SYNPO: variants seen among roughly 807,000 people sequenced by gnomAD.
The protein encoded by SYNPO is synaptopodin.
A neutral mutation model predicts 49.5 loss-of-function variants in SYNPO; 19 were observed. The ratio of observed to expected loss-of-function variants is 0.38; its 90% CI spans 0.27 to 0.56. SYNPO has a LOEUF of 0.56. Among genes scored for constraint, SYNPO ranks in the 20% least tolerant of loss-of-function variants. SYNPO has a pLI of 0.68. For missense variants in SYNPO, 1,131 were observed against 1,248.3 expected (o/e 0.91, Z 1.42); for synonymous variants, 536 against 548.0 (o/e 0.98, Z 0.31).
chr5:150,602,474 C>A (rs1756569764), intron 1 of SYNPO, among the ~76,000 whole-genome samples: 1 of 152,082 alleles, frequency 6.6e-6, no homozygotes, highest in Non-Finnish European at 1.5e-5. Context: ...AATAGCATAT[C>A]AAGCCAGCGG....
At chr5:150,617,758 A>T (rs1757021265) in intron 1 of SYNPO, 1 of 152,132 alleles carries the variant, frequency 6.6e-6, no homozygotes, top group Non-Finnish European at 1.5e-5. Context: ...AAATAACTAG[A>T]TATTTATTTA....
At chr5:150,586,117 G>A in the SYNPO span, among the ~76,000 whole-genome samples, 1 of 152,246 alleles carries the variant, frequency 6.6e-6, no homozygotes, top group Non-Finnish European at 1.5e-5. Context: ...TGCAGGACTG[G>A]CAGAGGTGAG....
chr5:150,637,713 C>T (rs1757764934), upstream of SYNPO, among the ~76,000 whole-genome samples: 1 of 152,206 alleles, frequency 6.6e-6, no homozygotes, highest in African/African-American at 2.4e-5. Flanking sequence ...TATCGTTCCT[C>T]CTGCGTTTTT....
the SYNPO span, among the ~76,000 whole-genome samples, chr5:150,592,333 A>G: frequency 6.6e-6 from 1 of 152,212 alleles, no homozygotes; most frequent in Non-Finnish European, 1.5e-5. Context: ...AATTCAAATT[A>G]ACTGGGTCTC....
chr5:150,636,862 C>G (rs1757734021), upstream of SYNPO, among the ~76,000 whole-genome samples: 1 of 152,030 alleles, frequency 6.6e-6, no homozygotes, highest in African/African-American at 2.4e-5. Context: ...AGAGTGAGAC[C>G]AGACCCAGAG....
chr5:150,634,656 A>C (rs1014246316), intron 2 of SYNPO, among the ~76,000 whole-genome samples: 3 of 152,026 alleles, frequency 2.0e-5, no homozygotes, highest in African/African-American at 7.3e-5. Context: ...TCGTCTGTAC[A>C]AAAATTTTTT....
chr5:150,589,096 G>T, the SYNPO span, among the ~76,000 whole-genome samples: 1 of 149,664 alleles, frequency 6.7e-6, no homozygotes, highest in Non-Finnish European at 1.5e-5. Context: ...GAGTCTCGCT[G>T]TGTTGCCTAG....
intron 2 of SYNPO, among the ~76,000 whole-genome samples, chr5:150,654,421 A>G (rs1758491205): frequency 6.6e-6 from 1 of 151,882 alleles, no homozygotes; most frequent in African/African-American, 2.4e-5. Context: ...TGTTATTTAC[A>G]CCTCTGAGCT....
Position 150,649,506 on chromosome 5 carries a change from C to G in SYNPO, c.1231C>G (p.Gln411Glu). ...GGATGAGAAGCGGCGGCAGAGGGACCAGGGGGAGGTAGGCGTGGAGGAGGA... is the reference window on the plus strand; with the variant it reads ...GGATGAGAAGCGGCGGCAGAGGGACGAGGGGGAGGTAGGCGTGGAGGAGGA... Reference protein sequence around the residue: ...TADEKRRQRDQGEVGVEEEPF... With the variant: ...TADEKRRQRDEGEVGVEEEPF... The change falls in exon 2 of 3, where the codon CAG becomes GAG. Residue 411 changes from glutamine to glutamate, a missense_variant. Transcript: ENST00000307662. 1.2e-6 allele frequency: 2 copies of G among 1,613,148 alleles called. No individual in the cohort carries two copies. Among genetic ancestry groups the G allele is most frequent in the Non-Finnish European group, 1.7e-6 (2 of 1,179,576 alleles).
intron 2 of SYNPO, chr5:150,650,884 C>G (rs534550296): frequency 1.6e-4 from 206 of 1,257,996 alleles, no homozygotes; most frequent in Non-Finnish European, 2.0e-4. Flanking sequence ...TTCTGGACAC[C>G]GTTTCCTCTC....
At chr5:150,620,911 TTCTTTC>T (rs1226614767) in intron 2 of SYNPO, among the ~76,000 whole-genome samples, 3 of 130,502 alleles carry the variant, frequency 2.3e-5, no homozygotes, top group African/African-American at 1.1e-4. Context: ...CTTTCTTTCT[TTCTTTC>T]TTTCTTTCTT....
rs1426372745 is a variant in SYNPO at position 150,648,892 on chromosome 5, A to G, written c.617A>G (p.Asp206Gly). The change falls in exon 2 of 3, where the codon GAT becomes GGT. Residue 206 changes from aspartate (D) to glycine (G), a missense_variant. By Grantham distance (94) the Asp-to-Gly change is moderately conservative. Transcript: ENST00000307662. This position sits in a 1 kb window ranked among gnomAD's most constrained non-coding sequence, Gnocchi z 5.0. ...IQPNTLVVSA[D>G]QEMSGRAAAT... is the part of the protein sequence containing the mutation. ...CCCAACACCCTAGTGGTGTCAGCAG[A>G]TCAAGAGATGTCTGGGCGAGCAGCT... The G allele has an allele frequency of 6.2e-7, 1 of 1,614,074 alleles. No homozygotes were observed. Among genetic ancestry groups the G allele is most frequent in the East Asian group, 2.2e-5 (1 of 44,900 alleles).
At chr5:150,646,413 A>C (rs1758094329) in intron 1 of SYNPO, among the ~76,000 whole-genome samples, 1 of 152,212 alleles carries the variant, frequency 6.6e-6, no homozygotes, top group Non-Finnish European at 1.5e-5. Flanking sequence ...CCTACCCTAA[A>C]AAGGGGAAAT....
At chr5:150,655,584 T>C (rs13179267) in intron 2 of SYNPO, among the ~76,000 whole-genome samples, 1 of 152,244 alleles carries the variant, frequency 6.6e-6, no homozygotes, top group Non-Finnish European at 1.5e-5. Context: ...TCAGACTGTG[T>C]GCCCTGTTCC....
chr5:150,651,430 G>A (rs1356796662), intron 2 of SYNPO: 1 of 1,000,346 alleles, frequency 1.0e-6, no homozygotes, highest in Non-Finnish European at 1.2e-6. Context: ...ATAGGCTGGT[G>A]CTTTGAAGAA....
At chr5:150,647,701 G>C (rs1172738944) in intron 1 of SYNPO, among the ~76,000 whole-genome samples, 3 of 152,238 alleles carry the variant, frequency 2.0e-5, no homozygotes, top group East Asian at 3.8e-4. Flanking sequence ...TCAGGGACCA[G>C]TTAATCCTGA....
exon 2 of SYNPO, chr5:150,618,468 C>T (rs773413540): frequency 6.4e-7 from 1 of 1,551,618 alleles, no homozygotes; most frequent in South Asian, 1.2e-5. Flanking sequence ...AGGTGTCTGG[C>T]TCTGGAAGCC....
exon 2 of SYNPO, chr5:150,618,603 T>A (rs1757050773): frequency 6.4e-7 from 1 of 1,551,274 alleles, no homozygotes; most frequent in Admixed American, 2.0e-5. Flanking sequence ...ACACCGCAGC[T>A]GCCCAAAGCC....
intron 2 of SYNPO, chr5:150,624,737 C>A: frequency 4.5e-6 from 3 of 670,650 alleles, no homozygotes; most frequent in Non-Finnish European, 5.5e-6. Context: ...CGGAGCAGCC[C>A]GCTAGGCGGT....
Sources: allele counts gnomAD v4.1 joint callset (sites outside exome capture counted in the v4.1 genomes callset), GRCh38; gene constraint gnomAD v4.1.1; non-coding constraint Gnocchi (gnomAD v3.1); transcripts MANE v1.5; gene names NCBI Gene and HGNC (gene_info 2026-07-23, HGNC 2026-07-21).